The following TPCN1 variants were observed in gnomAD, a reference collection of about 807,000 sequenced individuals.
The protein encoded by TPCN1 is two pore channel protein 1.
In TPCN1, 52 loss-of-function variants were observed where a neutral mutation model predicts 108.8. The observed-to-expected ratio is 0.48, with a 90% CI of 0.38 to 0.60. TPCN1 has a LOEUF of 0.60. TPCN1 is among the 20% of genes least tolerant of loss of function. The pLI, the probability that TPCN1 is intolerant of heterozygous loss-of-function variation, is 0.00. For missense variants in TPCN1, 806 were observed against 1,072.8 expected (o/e 0.75, Z 3.47); for synonymous variants, 446 against 433.7 (o/e 1.03, Z -0.35).
intron 3 of TPCN1, among the ~76,000 whole-genome samples, chr12:113,265,682 C>G (rs1319240049): frequency 6.6e-6 from 1 of 151,932 alleles, no homozygotes; most frequent in Non-Finnish European, 1.5e-5. Context: ...AAGTGGCTGG[C>G]ACCAGGGGTC....
At chr12:113,281,900 A>G (rs1283355591) in intron 15 of TPCN1, among the ~76,000 whole-genome samples, 1 of 148,532 alleles carries the variant, frequency 6.7e-6, no homozygotes, top group East Asian at 2.0e-4. Context: ...AACTGGATAC[A>G]CATTTGGATT....
At position 113,288,942 on chromosome 12, in the gene TPCN1, CG is replaced by C; in HGVS notation, c.1796+99del. The C allele has an allele frequency of 7.9e-7, 1 of 1,264,844 alleles. No individual in the cohort carries two copies. 78.4% of individuals were successfully genotyped at this position (1,264,844 alleles called of 1,614,324 possible). A position where few individuals can be genotyped will look rare whatever the true frequency, so the allele number is the denominator to read the frequency against. On this transcript the variant is annotated intron_variant, in intron 21 of 27. Transcript: ENST00000335509. This position sits in a 1 kb window ranked among gnomAD's most constrained non-coding sequence, Gnocchi z 4.8. ...GGTGTCCTTGTGGCCTTGGGGTCCT[CG>C]GGGATGTTCCTGTCTAAGCAACCAC...
Position 113,260,434 on chromosome 12 carries a change from C to A in TPCN1, c.179C>A (p.Pro60His), listed in dbSNP as rs567710468. ...CTCAGCTCTGGGGGTGAGAGTTCCC[C>A]CTCCAGCCCCGCACACAACTGGGAG... ...PSLSSGGESS[P>H]SSPAHNWEMN... The change falls in exon 3 of 28, where the codon CCC becomes CAC. Residue 60 changes from proline to histidine, a missense_variant. Transcript: ENST00000335509. 4 of 1,555,096 alleles carry A rather than the reference C, an allele frequency of 2.6e-6. No homozygotes were observed. In the South Asian group the frequency reaches 3.6e-5, roughly 14 times the overall value.
In TPCN1 at chr12:113,273,460, G is replaced by C; in HGVS notation, c.843-109G>C. 7.9e-7 allele frequency: 1 copy of C among 1,261,084 alleles called. No individual in the cohort carries two copies. Among genetic ancestry groups the C allele is most frequent in the Non-Finnish European group, 1.2e-6 (1 of 861,240 alleles). 78.1% of individuals were successfully genotyped at this position (1,261,084 alleles called of 1,614,324 possible). ...CCCAGGGATGAGAGTAGGGGAACCA[G>C]GGTTGGAGGCTGGGAAGGCAGACAA... On this transcript the variant is annotated intron_variant, in intron 9 of 27. Coordinates refer to ENST00000335509, the MANE Select transcript of TPCN1 (RefSeq NM_017901.6). This position sits in a 1 kb window ranked among gnomAD's most constrained non-coding sequence, Gnocchi z 4.0.
intron 2 of TPCN1, among the ~76,000 whole-genome samples, chr12:113,246,848 G>C (rs1308943284): frequency 1.3e-5 from 2 of 152,222 alleles, no homozygotes; most frequent in African/African-American, 4.8e-5. Context: ...GTTGGAGAGG[G>C]CCAGCCCCGG....
intron 17 of TPCN1, 85 bp from the exon 18 acceptor site, chr12:113,285,804 A>T: frequency 8.5e-7 from 1 of 1,176,684 alleles, no homozygotes; most frequent in South Asian, 1.2e-5. Context: ...GGGAGGCTGC[A>T]GACTGTGGAG....
In TPCN1 at chr12:113,269,926, G is replaced by A; in HGVS notation, c.748+81G>A. On this transcript the variant is annotated intron_variant, in intron 7 of 27. Transcript: ENST00000335509. The surrounding 1 kb of genome is among the most constrained non-coding windows in gnomAD (Gnocchi z 5.0). ...GAAAAATTATTTTGGGCCTGGCTCA[G>A]TGGCTCACGCCTGTAATCCTAGCAT... The A allele has an allele frequency of 6.8e-7, 1 of 1,471,734 alleles. No individual in the cohort carries two copies. Among genetic ancestry groups the A allele is most frequent in the South Asian group, 1.2e-5 (1 of 86,768 alleles). The allele number at this position is 1,471,734 out of a possible 1,614,324, so 91.2% of individuals were successfully genotyped here.
intron 2 of TPCN1, among the ~76,000 whole-genome samples, chr12:113,253,983 A>G (rs1398176547): frequency 6.6e-6 from 1 of 152,188 alleles, no homozygotes; most frequent in Non-Finnish European, 1.5e-5. Flanking sequence ...AGATGGTAGT[A>G]TAGTGCAGTG....
rs148897743 is a variant in TPCN1 at position 113,289,229 on chromosome 12, C to T, written c.1796+382C>T. On this transcript the variant is annotated intron_variant, in intron 21 of 27. Coordinates refer to ENST00000335509, the MANE Select transcript of TPCN1 (RefSeq NM_017901.6). This position sits in a 1 kb window ranked among gnomAD's most constrained non-coding sequence, Gnocchi z 4.1. ...CATCGTAGGATAAGACAGACGGACA[C>T]GTGCAGGAAGGTCATGGTGCTCAGG... is the stretch of plus-strand genomic sequence containing the variant. 3.5e-4 allele frequency among the ~76,000 whole-genome samples: 54 copies of T among 152,322 alleles called. No homozygotes were observed. The highest frequency in any genetic ancestry group is 1.2e-3 in the African/African-American group (50 of 41,566).
intron 2 of TPCN1, among the ~76,000 whole-genome samples, chr12:113,245,557 C>T (rs1435311640): frequency 5.6e-5 from 8 of 143,156 alleles, no homozygotes; most frequent in African/African-American, 2.1e-4. Context: ...GCCGAGATCG[C>T]GCCACTGCAC....
In TPCN1 at chr12:113,289,305, C is replaced by A. The variant is rs115218147; in HGVS notation, c.1796+458C>A. On this transcript the variant is annotated intron_variant, in intron 21 of 27. Coordinates refer to ENST00000335509, the MANE Select transcript of TPCN1 (RefSeq NM_017901.6). This position sits in a 1 kb window ranked among gnomAD's most constrained non-coding sequence, Gnocchi z 4.1. ...CCATGAGCACTCCCTTTCTCCTGAG[C>A]CGCCACAGTGAAATCACTGCACACT... is the stretch of plus-strand genomic sequence containing the variant. Among the ~76,000 whole-genome samples the A allele has an allele frequency of 0.017, 2,562 of 152,334 alleles. 54 individuals are homozygous for A. Among genetic ancestry groups the A allele is most frequent in the African/African-American group, 0.058 (2,392 of 41,568 alleles).
At position 113,268,077 on chromosome 12, in the gene TPCN1, C is replaced by G; in HGVS notation, c.528+121C>G. On this transcript the variant is annotated intron_variant, in intron 5 of 27. Coordinates refer to ENST00000335509, the MANE Select transcript of TPCN1 (RefSeq NM_017901.6). The surrounding 1 kb of genome is among the most constrained non-coding windows in gnomAD (Gnocchi z 7.3). ...GCCCAGTCCATGCTCAGAGGTGTAA[C>G]CCTAGGGTCCCTGTCCTGACCGTGC... 1.3e-6 allele frequency: 1 copy of G among 742,792 alleles called. No individual in the cohort carries two copies. The highest frequency in any genetic ancestry group is 2.3e-6 in the Non-Finnish European group (1 of 433,126). 46.0% of individuals were successfully genotyped at this position (742,792 alleles called of 1,614,324 possible).
At chr12:113,239,636 T>G (rs1195879640) in intron 2 of TPCN1, among the ~76,000 whole-genome samples, 1 of 152,140 alleles carries the variant, frequency 6.6e-6, no homozygotes. Flanking sequence ...CTCATTCACA[T>G]GTGATCAGAC....
rs897239754 is a variant in TPCN1, at chr12:113,231,509, C to T, written c.112+4545C>T. Among the ~76,000 whole-genome samples, 1 of 152,164 alleles carries T rather than the reference C, an allele frequency of 6.6e-6. No individual in the cohort carries two copies. Among genetic ancestry groups the T allele is most frequent in the Non-Finnish European group, 1.5e-5 (1 of 68,034 alleles). Reference sequence around the variant, plus strand: ...CCAAAGACAGTCACATTCTGAGCTACTGGGGGTTAGGACTTCAGCCTATGA... The same window carrying T: ...CCAAAGACAGTCACATTCTGAGCTATTGGGGGTTAGGACTTCAGCCTATGA... On this transcript the variant is annotated intron_variant, in intron 2 of 27. Transcript: ENST00000335509. The surrounding 1 kb of genome is among the most constrained non-coding windows in gnomAD (Gnocchi z 4.3).
Position 113,269,882 on chromosome 12 carries a change from A to G in TPCN1, c.748+37A>G. The G allele has an allele frequency of 6.2e-7, 1 of 1,603,442 alleles. No individual in the cohort carries two copies. On this transcript the variant is annotated intron_variant, in intron 7 of 27. Coordinates refer to ENST00000335509, the MANE Select transcript of TPCN1 (RefSeq NM_017901.6). This position sits in a 1 kb window ranked among gnomAD's most constrained non-coding sequence, Gnocchi z 5.0. ...CCTCTCAGGCCCAGGTGCGCTGGAAAAGCAAGTTCACGGTGGATGAAAAAT... is the reference window on the plus strand; with the variant it reads ...CCTCTCAGGCCCAGGTGCGCTGGAAGAGCAAGTTCACGGTGGATGAAAAAT...
chr12:113,243,694 C>T (rs1954236201), intron 2 of TPCN1, among the ~76,000 whole-genome samples: 1 of 152,122 alleles, frequency 6.6e-6, no homozygotes, highest in Admixed American at 6.5e-5. Context: ...GTGGAGGTTG[C>T]AGTGAGCCAA....
rs543324944 is a variant in TPCN1 at position 113,284,849 on chromosome 12, A to G, written c.1453+78A>G. 2.8e-6 allele frequency: 4 copies of G among 1,443,684 alleles called. No individual in the cohort carries two copies. The highest frequency in any genetic ancestry group is 3.4e-5 in the Admixed American group (2 of 59,182). The allele number at this position is 1,443,684 out of a possible 1,614,324, so 89.4% of individuals were successfully genotyped here. Reference sequence around the variant, plus strand: ...GAACTTTCATTCAGTGTAGAACCTCATGGTTCTTCTCTAAAACAGGAAGCT... The same window carrying G: ...GAACTTTCATTCAGTGTAGAACCTCGTGGTTCTTCTCTAAAACAGGAAGCT... On this transcript the variant is annotated intron_variant, in intron 17 of 27. Coordinates refer to ENST00000335509, the MANE Select transcript of TPCN1 (RefSeq NM_017901.6). The surrounding 1 kb of genome is among the most constrained non-coding windows in gnomAD (Gnocchi z 4.1).
rs1264108087 is a variant in TPCN1, at chr12:113,269,514, ACCT to A, written c.660-239_660-237del. Reference sequence around the variant, plus strand: ...TCTGTTCCCTGCTTGCATGGCACTCACCTCCTTGGGGCCTCACCAGGTGGAGGT... The same window carrying A: ...TCTGTTCCCTGCTTGCATGGCACTCACCTTGGGGCCTCACCAGGTGGAGGT... On this transcript the variant is annotated intron_variant, in intron 6 of 27. Coordinates refer to ENST00000335509, the MANE Select transcript of TPCN1 (RefSeq NM_017901.6). The surrounding 1 kb of genome is among the most constrained non-coding windows in gnomAD (Gnocchi z 5.0). Among the ~76,000 whole-genome samples the A allele has an allele frequency of 1.3e-5, 2 of 151,636 alleles. No individual in the cohort carries two copies. Among genetic ancestry groups the A allele is most frequent in the African/African-American group, 4.9e-5 (2 of 41,222 alleles).
At chr12:113,271,520 C>T (rs1167852703) in intron 7 of TPCN1, among the ~76,000 whole-genome samples, 3 of 152,208 alleles carry the variant, frequency 2.0e-5, no homozygotes, top group Admixed American at 2.0e-4. Context: ...AAAAAAGTCT[C>T]TAAGTGGTTA....
Sources: allele counts gnomAD v4.1 joint callset (sites outside exome capture counted in the v4.1 genomes callset), GRCh38; gene constraint gnomAD v4.1.1; non-coding constraint Gnocchi (gnomAD v3.1); transcripts MANE v1.5; gene names NCBI Gene and HGNC (gene_info 2026-07-23, HGNC 2026-07-21).